The following PBLD variants were observed in gnomAD, a reference collection of about 807,000 sequenced individuals.
PBLD encodes phenazine biosynthesis-like domain-containing protein.
Under a neutral mutation model 31.3 loss-of-function variants are expected in PBLD, and 26 were observed. That is an observed-to-expected ratio of 0.83 (90% CI 0.61 to 1.15). The LOEUF (loss-of-function observed/expected upper bound fraction) is 1.15, where lower values mean the gene tolerates loss of function less well. PBLD is among the 50% of genes most tolerant of loss of function. The pLI is 0.00. For missense variants in PBLD, 307 were observed against 351.7 expected, an observed-to-expected ratio of 0.87 and a Z score of 1.02; for synonymous variants, 114 against 129.0, an observed-to-expected ratio of 0.88 and a Z score of 0.79.
At chr10:68,320,345 A>G (rs2044815548) in intron 1 of PBLD, among the ~76,000 whole-genome samples, 1 of 152,298 alleles carries the variant, frequency 6.6e-6, no homozygotes. Flanking sequence ...ACATATACAC[A>G]CCTAACAACA....
At chr10:68,325,186 G>A (rs2044899449) in intron 1 of PBLD, among the ~76,000 whole-genome samples, 1 of 151,926 alleles carries the variant, frequency 6.6e-6, no homozygotes, top group Non-Finnish European at 1.5e-5. Context: ...GGAAGTTGCA[G>A]TGAGCTGAGA....
intron 1 of PBLD, among the ~76,000 whole-genome samples, chr10:68,325,063 G>A (rs1474625598): frequency 6.6e-6 from 1 of 152,010 alleles, no homozygotes. Flanking sequence ...GGCCAACATG[G>A]TGAAACCCTG....
chr10:68,329,701 C>A (rs548919007), intron 1 of PBLD, among the ~76,000 whole-genome samples: 33 of 152,146 alleles, frequency 2.2e-4, no homozygotes, highest in Middle Eastern at 3.4e-3. Context: ...CAGGCCTGTT[C>A]AAAAAGTCTC....
chr10:68,331,348 G>A (rs1310609602), intron 1 of PBLD: 1 of 152,264 alleles, frequency 6.6e-6, no homozygotes, highest in African/African-American at 2.4e-5. Context: ...CGGCGGGAGA[G>A]ATGAAAACGC....
intron 1 of PBLD, among the ~76,000 whole-genome samples, chr10:68,317,907 A>G (rs767456042): frequency 6.6e-6 from 1 of 152,016 alleles, no homozygotes; most frequent in Non-Finnish European, 1.5e-5. Context: ...GGTAAATATA[A>G]TGTTATGTGA....
chr10:68,315,203 G>A (rs114051119), intron 1 of PBLD, among the ~76,000 whole-genome samples: 6,657 of 152,300 alleles, frequency 0.044, 179 homozygotes, highest in African/African-American at 0.052. Context: ...GGCTGTCTGA[G>A]TCAGTGGATA....
At chr10:68,302,798 GCCACTGTA>G (rs2044521567) in intron 2 of PBLD, among the ~76,000 whole-genome samples, 1 of 149,650 alleles carries the variant, frequency 6.7e-6, no homozygotes, top group South Asian at 2.1e-4. Context: ...CTATAATCAT[GCCACTGTA>G]CTCCAGCCTA....
At chr10:68,330,742 G>C (rs1386836077) in intron 1 of PBLD, among the ~76,000 whole-genome samples, 1 of 101,222 alleles carries the variant, frequency 9.9e-6, no homozygotes, top group Non-Finnish European at 2.2e-5. Flanking sequence ...GTGTGTGTGT[G>C]TGTGTGTGTG....
chr10:68,310,945 A>G (rs2044659408), intron 1 of PBLD, among the ~76,000 whole-genome samples: 1 of 152,192 alleles, frequency 6.6e-6, no homozygotes, highest in African/African-American at 2.4e-5. Flanking sequence ...AGCCTAGCCT[A>G]CCTTACACAT....
intron 8 of PBLD, among the ~76,000 whole-genome samples, chr10:68,286,156 C>T (rs999625991): frequency 1.9e-4 from 25 of 131,700 alleles, no homozygotes; most frequent in Non-Finnish European, 3.0e-4. Context: ...GGCACAATCT[C>T]GGCTCACTAC....
At position 68,288,471 on chromosome 10, in the gene PBLD, A is replaced by T. The variant is rs1375955469; in HGVS notation, c.691+12T>A. 1 of 1,611,762 alleles carries T rather than the reference A, an allele frequency of 6.2e-7. No homozygotes were observed. Among genetic ancestry groups the T allele is most frequent in the Non-Finnish European group, 8.5e-7 (1 of 1,179,204 alleles). On this transcript the variant is annotated intron_variant, in intron 8 of 9. Coordinates refer to ENST00000358769, the MANE Select transcript of PBLD (RefSeq NM_022129.4). ...ATTGTTTAACCCTCCCCTGGGCTCA[A>T]GTAAAAAGTACCTGTCACTGGGTCT... is the stretch of plus-strand genomic sequence containing the variant.
chr10:68,283,586 T>C lies in PBLD; in HGVS notation c.*591A>G, dbSNP rs908542779. 1 of 152,316 alleles carries C rather than the reference T, an allele frequency of 6.6e-6. No homozygotes were observed. The highest frequency in any genetic ancestry group is 2.4e-5 in the African/African-American group (1 of 41,458). 9.4% of individuals were successfully genotyped at this position (152,316 alleles called of 1,614,324 possible). A position where few individuals can be genotyped will look rare whatever the true frequency, so the allele number is the denominator to read the frequency against. On this transcript the variant is annotated 3_prime_UTR_variant, in exon 10 of 10. Transcript: ENST00000358769. Reference sequence around the variant, plus strand: ...CACTCCTCAGAAATGTATTCCTCCTTCTCTTGATTGGTAGTCATAATCAAA... The same window carrying C: ...CACTCCTCAGAAATGTATTCCTCCTCCTCTTGATTGGTAGTCATAATCAAA...
At chr10:68,296,102 A>G in intron 4 of PBLD, 164 bp downstream of exon 4, 1 of 504,902 alleles carries the variant, frequency 2.0e-6, no homozygotes, top group Non-Finnish European at 3.6e-6. Context: ...CCAAAGTGCT[A>G]TTGAAGGTCG....
intron 6 of PBLD, among the ~76,000 whole-genome samples, chr10:68,291,586 T>C (rs1173155857): frequency 6.6e-6 from 1 of 152,132 alleles, no homozygotes; most frequent in African/African-American, 2.4e-5. Context: ...AATTCCCAAC[T>C]TTCACACCTG....
intron 1 of PBLD, among the ~76,000 whole-genome samples, chr10:68,311,543 G>A (rs144065514): frequency 0.049 from 7,400 of 151,580 alleles, 270 homozygotes; most frequent in East Asian, 0.18. Context: ...CGGAGATCGC[G>A]CCACTGCACT....
intron 2 of PBLD, among the ~76,000 whole-genome samples, chr10:68,299,507 AG>A (rs1375252684): frequency 1.3e-5 from 2 of 152,198 alleles, no homozygotes; most frequent in Non-Finnish European, 2.9e-5. Context: ...AGGGCATAAA[AG>A]TGTGATTATT....
intron 8 of PBLD, among the ~76,000 whole-genome samples, chr10:68,286,052 C>A (rs1395691658): frequency 6.7e-6 from 1 of 149,942 alleles, no homozygotes; most frequent in Non-Finnish European, 1.5e-5. Flanking sequence ...CATTCTTAGC[C>A]CTTGGTAGGA....
At chr10:68,322,516 A>C (rs1354857449) in intron 1 of PBLD, among the ~76,000 whole-genome samples, 1 of 151,262 alleles carries the variant, frequency 6.6e-6, no homozygotes, top group East Asian at 2.0e-4. Context: ...AAAAAAAAAA[A>C]AAACAGGCAT....
chr10:68,284,309 C>T lies in PBLD; in HGVS notation c.755-20G>A. 1 of 1,581,302 alleles carries T rather than the reference C, an allele frequency of 6.3e-7. No homozygotes were observed. The highest frequency in any genetic ancestry group is 8.7e-7 in the Non-Finnish European group (1 of 1,151,014). ...GAAAAGCTAAAGAAAACAAACAGGT[C>T]AAATTAAGAGTATTTTCACCCTTTT... is the stretch of plus-strand genomic sequence containing the variant. On this transcript the variant is annotated intron_variant, in intron 9 of 9. Transcript: ENST00000358769.
Sources: allele counts gnomAD v4.1 joint callset (sites outside exome capture counted in the v4.1 genomes callset), GRCh38; gene constraint gnomAD v4.1.1; transcripts MANE v1.5; gene names NCBI Gene and HGNC (gene_info 2026-07-23, HGNC 2026-07-21).